Variants in TRIB1 observed in about 807,000 individuals in gnomAD.
The protein encoded by TRIB1 is tribbles homolog 1.
In TRIB1, 12 loss-of-function variants were observed where a neutral mutation model predicts 27.8. The ratio of observed to expected loss-of-function variants is 0.43; its 90% CI spans 0.28 to 0.70. TRIB1 has a LOEUF of 0.70. Among genes scored for constraint, TRIB1 ranks in the 30% least tolerant of loss-of-function variants. TRIB1 has a pLI of 0.18. For synonymous variants in TRIB1, 230 were observed against 224.9 expected (o/e 1.02, Z -0.20); for missense variants, 475 against 515.8 (o/e 0.92, Z 0.77).
In TRIB1 at chr8:125,430,747, C is replaced by T. The variant is rs1814639626; in HGVS notation, c.-156C>T. On this transcript the variant is annotated 5_prime_UTR_variant, in exon 1 of 3. Transcript: ENST00000311922. ...GTGCAACGCGAGCGCCGGGGAGTGG[C>T]TCCTGCTTTGCCCCTCGTGGGGGCC... 2 of 1,018,254 alleles carry T rather than the reference C, an allele frequency of 2.0e-6. No homozygotes were observed. The highest frequency in any genetic ancestry group is 4.3e-5 in the Admixed American group (1 of 23,218). The allele number at this position is 1,018,254 out of a possible 1,614,324, so 63.1% of individuals were successfully genotyped here.
chr8:125,433,290 C>T lies in TRIB1; in HGVS notation c.361-27C>T. 1.2e-6 allele frequency: 2 copies of T among 1,600,066 alleles called. No individual in the cohort carries two copies. Among genetic ancestry groups the T allele is most frequent in the East Asian group, 2.2e-5 (1 of 44,532 alleles). ...AGGCTGCCTTTGCTTTTCTAGCCCC[C>T]TAAACGGGCCCCCCTTCTCTCTACA... On this transcript the variant is annotated intron_variant, in intron 1 of 2. Transcript: ENST00000311922. The surrounding 1 kb of genome is among the most constrained non-coding windows in gnomAD (Gnocchi z 4.4).
chr8:125,435,041 G>A (rs1814724860), intron 2 of TRIB1, among the ~76,000 whole-genome samples: 1 of 152,170 alleles, frequency 6.6e-6, no homozygotes, highest in African/African-American at 2.4e-5. Flanking sequence ...AGAGAAGCAG[G>A]CAGAGACAGG....
rs774222003 is a variant in TRIB1, at chr8:125,433,535, C to T, written c.579C>T (p.Val193=). ...ARLFKQIVSA[V]AHCHQSAIVL... ...TCTTCAAGCAGATTGTCTCCGCCGT[C>T]GCCCACTGCCACCAGTCAGCCATCG... Residue 193 remains valine (V), a synonymous_variant, in exon 2 of 3, where the codon GTC becomes GTT. Coordinates refer to ENST00000311922, the MANE Select transcript of TRIB1 (RefSeq NM_025195.4). This position sits in a 1 kb window ranked among gnomAD's most constrained non-coding sequence, Gnocchi z 4.4. 10 of 1,613,788 alleles carry T rather than the reference C, an allele frequency of 6.2e-6. No homozygotes were observed. The highest frequency in any genetic ancestry group is 2.7e-5 in the African/African-American group (2 of 74,920).
At chr8:125,435,191 G>A (rs1337894783) in intron 2 of TRIB1, among the ~76,000 whole-genome samples, 3 of 150,672 alleles carry the variant, frequency 2.0e-5, no homozygotes, top group Admixed American at 6.6e-5. Context: ...TTAGACTTTC[G>A]TTGTTACCTG....
Position 125,431,047 on chromosome 8 carries a change from C to T in TRIB1, c.145C>T (p.Arg49Cys), listed in dbSNP as rs1415420971. 9 of 1,454,792 alleles carry T rather than the reference C, an allele frequency of 6.2e-6. No homozygotes were observed. Among genetic ancestry groups the T allele is most frequent in the South Asian group, 1.3e-5 (1 of 74,638 alleles). 90.1% of individuals were successfully genotyped at this position (1,454,792 alleles called of 1,614,324 possible). A position where few individuals can be genotyped will look rare whatever the true frequency, so the allele number is the denominator to read the frequency against. Residue 49 changes from arginine (R) to cysteine (C), a missense_variant, in exon 1 of 3, where the codon CGC (arginine) becomes TGC (cysteine). Arg to Cys is a radical substitution (Grantham distance 180). Transcript: ENST00000311922. ...GGCGGCTGTGGCGGCCAAGTGCCCG[C>T]GCCTCTCCGAGTGCTCCAGCCCCCC... ...DAAAVAAKCPRLSECSSPPDY... is the reference protein window; with the variant it reads ...DAAAVAAKCPCLSECSSPPDY...
rs1445587420 is a variant in TRIB1 at position 125,430,439 on chromosome 8, G to C, written c.-464G>C. The stretch of plus-strand genomic sequence containing the variant: ...GGAGCCCAGGAGCGCTCAGGATCCC[G>C]AGCGCCGCGAAAAAGTTCCCCCGGC... On this transcript the variant is annotated 5_prime_UTR_variant, in exon 1 of 3. Coordinates refer to ENST00000311922, the MANE Select transcript of TRIB1 (RefSeq NM_025195.4). 1 of 155,006 alleles carries C rather than the reference G, an allele frequency of 6.5e-6. No homozygotes were observed. The highest frequency in any genetic ancestry group is 1.4e-5 in the Non-Finnish European group (1 of 69,618). The allele number at this position is 155,006 out of a possible 1,614,324, so 9.6% of individuals were successfully genotyped here.
chr8:125,431,484 G>C (rs1814655857), intron 1 of TRIB1, among the ~76,000 whole-genome samples: 1 of 152,268 alleles, frequency 6.6e-6, no homozygotes, highest in African/African-American at 2.4e-5. Flanking sequence ...GTGTTCAGTG[G>C]CTTTCTCTAT....
rs1039513360 is a variant in TRIB1, at chr8:125,430,982, G to C, written c.80G>C (p.Arg27Pro). 2 of 1,468,762 alleles carry C rather than the reference G, an allele frequency of 1.4e-6. No individual in the cohort carries two copies. The highest frequency in any genetic ancestry group is 2.6e-5 in the South Asian group (2 of 76,382). The allele number at this position is 1,468,762 out of a possible 1,614,324, so 91.0% of individuals were successfully genotyped here. A position where few individuals can be genotyped will look rare whatever the true frequency, so the allele number is the denominator to read the frequency against. ...CCGGCCCTGCTCTTCCCAGCCACCCGAGGCGTCCCGGCCAAACGCCTGCTG... is the reference window on the plus strand; with the variant it reads ...CCGGCCCTGCTCTTCCCAGCCACCCCAGGCGTCCCGGCCAAACGCCTGCTG... Reference protein sequence around the residue: ...RGPALLFPATRGVPAKRLLDA... With the variant: ...RGPALLFPATPGVPAKRLLDA... The change falls in exon 1 of 3, where the codon CGA becomes CCA. Residue 27 changes from arginine (R) to proline (P), a missense_variant. Physicochemically the swap from Arg to Pro is moderately radical, Grantham distance 103 (BLOSUM62 -2). Transcript: ENST00000311922.
Position 125,430,738 on chromosome 8 carries a change from G to T in TRIB1, c.-165G>T, listed in dbSNP as rs1814639446. 1 of 926,120 alleles carries T rather than the reference G, an allele frequency of 1.1e-6. No individual in the cohort carries two copies. The highest frequency in any genetic ancestry group is 1.4e-6 in the Non-Finnish European group (1 of 696,524). The allele number at this position is 926,120 out of a possible 1,614,324, so 57.4% of individuals were successfully genotyped here. On this transcript the variant is annotated 5_prime_UTR_variant, in exon 1 of 3. Coordinates refer to ENST00000311922, the MANE Select transcript of TRIB1 (RefSeq NM_025195.4). ...GGTCCCCGCGTGCAACGCGAGCGCC[G>T]GGGAGTGGCTCCTGCTTTGCCCCTC...
rs1814754070 is a variant in TRIB1, at chr8:125,436,511, G to A, written c.*40G>A. 42 of 1,587,174 alleles carry A rather than the reference G, an allele frequency of 2.6e-5. No homozygotes were observed. The highest frequency in any genetic ancestry group is 3.5e-5 in the Non-Finnish European group (41 of 1,160,146). On this transcript the variant is annotated 3_prime_UTR_variant, in exon 3 of 3. Coordinates refer to ENST00000311922, the MANE Select transcript of TRIB1 (RefSeq NM_025195.4). ...GAAACCTCATAATTCTTAACACCTG[G>A]CATTTCCATTTCTAAAGATGGACAG...
intron 2 of TRIB1, among the ~76,000 whole-genome samples, chr8:125,434,439 G>A (rs1302843336): frequency 6.6e-6 from 1 of 152,202 alleles, no homozygotes; most frequent in Non-Finnish European, 1.5e-5. Context: ...TATCTCACCT[G>A]TGCATTTTTA....
intron 1 of TRIB1, among the ~76,000 whole-genome samples, 161 bp downstream of exon 1, chr8:125,431,423 T>A (rs1244967285): frequency 6.6e-6 from 1 of 152,194 alleles, no homozygotes; most frequent in African/African-American, 2.4e-5. Flanking sequence ...TTTTTGTGGA[T>A]CGAGGGGTTT....
chr8:125,436,341 C>T lies in TRIB1; in HGVS notation c.989C>T (p.Pro330Leu), dbSNP rs1814748961. Residue 330 changes from proline to leucine, a missense_variant, in exon 3 of 3, where the codon CCC becomes CTC. By Grantham distance (98) the Pro-to-Leu change is moderately conservative. Coordinates refer to ENST00000311922, the MANE Select transcript of TRIB1 (RefSeq NM_025195.4). The part of the protein sequence containing the change: ...RREPSERLTA[P>L]EILLHPWFES... ...GAGCCCTCCGAGAGACTCACTGCCC[C>T]CGAGATCCTACTGCACCCCTGGTTT... is the stretch of plus-strand genomic sequence containing the variant. 5 of 1,614,060 alleles carry T rather than the reference C, an allele frequency of 3.1e-6. No individual in the cohort carries two copies. Among genetic ancestry groups the T allele is most frequent in the Non-Finnish European group, 4.2e-6 (5 of 1,180,026 alleles).
chr8:125,437,706 C>T lies in TRIB1; in HGVS notation c.*1235C>T, dbSNP rs1358423878. The T allele has an allele frequency of 6.6e-6, 1 of 152,356 alleles. No individual in the cohort carries two copies. Among genetic ancestry groups the T allele is most frequent in the Non-Finnish European group, 1.5e-5 (1 of 68,040 alleles). The allele number at this position is 152,356 out of a possible 1,614,324, so 9.4% of individuals were successfully genotyped here. ...CCACCTCCCAAGGCAGAAATCCCCT[C>T]TTCAGCTTCTTTTGTAGGTGGGAAT... On this transcript the variant is annotated 3_prime_UTR_variant, in exon 3 of 3. Coordinates refer to ENST00000311922, the MANE Select transcript of TRIB1 (RefSeq NM_025195.4).
chr8:125,436,384 C>A lies in TRIB1; in HGVS notation c.1032C>A (p.Pro344=). 1.2e-6 allele frequency: 2 copies of A among 1,613,970 alleles called. No homozygotes were observed. The highest frequency in any genetic ancestry group is 1.7e-6 in the Non-Finnish European group (2 of 1,180,020). Residue 344 remains proline, a synonymous_variant, in exon 3 of 3, where the codon CCC becomes CCA. Coordinates refer to ENST00000311922, the MANE Select transcript of TRIB1 (RefSeq NM_025195.4). ...CCTGGTTTGAGTCCGTCTTGGAACC[C>A]GGGTACATCGACTCAGAAATAGGAA... The part of the protein sequence containing the change: ...LHPWFESVLE[P]GYIDSEIGTS...
chr8:125,431,285 C>A, intron 1 of TRIB1, 23 bp downstream of exon 1: 1 of 1,253,706 alleles, frequency 8.0e-7, no homozygotes, highest in Non-Finnish European at 1.0e-6. Flanking sequence ...GGGCCAGGAC[C>A]CGGCTGGGGT....
At position 125,433,514 on chromosome 8, in the gene TRIB1, C is replaced by A; in HGVS notation, c.558C>A (p.Phe186Leu). ...RLREEEAARL[F>L]KQIVSAVAHC... ...GGGAAGAGGAAGCCGCCCGGCTCTTCAAGCAGATTGTCTCCGCCGTCGCCC... is the reference window on the plus strand; with the variant it reads ...GGGAAGAGGAAGCCGCCCGGCTCTTAAAGCAGATTGTCTCCGCCGTCGCCC... Residue 186 changes from phenylalanine to leucine, a missense_variant, in exon 2 of 3, where the codon TTC (phenylalanine) becomes TTA (leucine). Phe to Leu is a conservative substitution (Grantham distance 22). Coordinates refer to ENST00000311922, the MANE Select transcript of TRIB1 (RefSeq NM_025195.4). This position sits in a 1 kb window ranked among gnomAD's most constrained non-coding sequence, Gnocchi z 4.4. 6.2e-7 allele frequency: 1 copy of A among 1,614,224 alleles called. No individual in the cohort carries two copies. The highest frequency in any genetic ancestry group is 1.1e-5 in the South Asian group (1 of 91,090).
In TRIB1 at chr8:125,431,276, G is replaced by T. The variant is rs1215783133; in HGVS notation, c.360+14G>T. On this transcript the variant is annotated intron_variant, in intron 1 of 2. Coordinates refer to ENST00000311922, the MANE Select transcript of TRIB1 (RefSeq NM_025195.4). The stretch of plus-strand genomic sequence containing the variant: ...CTGCGCTGCAAGGTAGGCGCTCCCG[G>T]GCCAGGACCCGGCTGGGGTCGGGGG... 1.2e-5 allele frequency: 15 copies of T among 1,254,898 alleles called. No individual in the cohort carries two copies. The highest frequency in any genetic ancestry group is 1.5e-5 in the Non-Finnish European group (15 of 1,000,890). 77.7% of individuals were successfully genotyped at this position (1,254,898 alleles called of 1,614,324 possible).
chr8:125,433,429 T>A lies in TRIB1; in HGVS notation c.473T>A (p.Val158Asp). 2.5e-6 allele frequency: 4 copies of A among 1,614,248 alleles called. No individual in the cohort carries two copies. The highest frequency in any genetic ancestry group is 3.4e-6 in the Non-Finnish European group (4 of 1,180,046). Residue 158 changes from valine to aspartate, a missense_variant, in exon 2 of 3, where the codon GTC becomes GAC. Val to Asp is a radical substitution (Grantham distance 152). Transcript: ENST00000311922. The surrounding 1 kb of genome is among the most constrained non-coding windows in gnomAD (Gnocchi z 4.4). ...EVILGETKAY[V>D]FFEKDFGDMH... ...ATCCTTGGGGAAACCAAGGCCTATG[T>A]CTTCTTTGAGAAGGACTTTGGGGAC...
Sources: gnomAD v4.1 joint callset for allele counts (sites outside exome capture counted in the v4.1 genomes callset) on GRCh38, gnomAD v4.1.1 for gene constraint, Gnocchi (gnomAD v3.1) non-coding constraint, MANE v1.5 for transcripts, NCBI Gene and HGNC (gene_info 2026-07-23, HGNC 2026-07-21) for gene names.